QRSL1: variants seen among roughly 807,000 people sequenced by gnomAD.
QRSL1 encodes the protein glutaminyl-tRNA amidotransferase subunit QRSL1.
Under a neutral mutation model 61.6 loss-of-function variants are expected in QRSL1, and 54 were observed. That is an observed-to-expected ratio of 0.88 (90% CI 0.70 to 1.10). The LOEUF (loss-of-function observed/expected upper bound fraction) is 1.10. Among genes scored for constraint, QRSL1 ranks in the 50% least tolerant of loss-of-function variants. The pLI is 0.00. For synonymous variants in QRSL1, 228 were observed against 225.7 expected (o/e 1.01, Z -0.09); for missense variants, 505 against 622.6 (o/e 0.81, Z 2.01).
intron 9 of QRSL1, among the ~76,000 whole-genome samples, chr6:106,661,683 GTTCTTTTTTTTTTTTTTTTT>G (rs1777357899): frequency 1.2e-5 from 1 of 81,478 alleles, no homozygotes; most frequent in Non-Finnish European, 2.4e-5. Flanking sequence ...AGAATGGTTA[GTTCTTTTTTTTTTTTTTTTT>G]TTTTTTTTTT....
intron 9 of QRSL1, among the ~76,000 whole-genome samples, chr6:106,660,456 G>A (rs1195539724): frequency 6.6e-6 from 1 of 151,930 alleles, no homozygotes; most frequent in Non-Finnish European, 1.5e-5. Flanking sequence ...ACAGGCATGA[G>A]GGACCACACC....
At chr6:106,651,697 G>C (rs1318702575) in intron 5 of QRSL1, among the ~76,000 whole-genome samples, 1 of 152,114 alleles carries the variant, frequency 6.6e-6, no homozygotes, top group African/African-American at 2.4e-5. Flanking sequence ...GGCTGTATCT[G>C]AATTTCTAGG....
At position 106,667,206 on chromosome 6, in the gene QRSL1, T is replaced by A. The variant is rs922733192; in HGVS notation, c.*1204T>A. On this transcript the variant is annotated 3_prime_UTR_variant, in exon 11 of 11. Transcript: ENST00000369046. ...GAAAAACATGCAGATAATTTGCTGA[T>A]GAAGCAGAAGAGGGGATGCGCATGG... 3 of 152,248 alleles carry A rather than the reference T, an allele frequency of 2.0e-5. No individual in the cohort carries two copies. Among genetic ancestry groups the A allele is most frequent in the Non-Finnish European group, 4.4e-5 (3 of 68,042 alleles). 9.4% of individuals were successfully genotyped at this position (152,248 alleles called of 1,614,324 possible).
intron 7 of QRSL1, 119 bp from the exon 8 acceptor site, chr6:106,654,611 T>C (rs1211015854): frequency 1.6e-5 from 13 of 817,004 alleles, no homozygotes; most frequent in South Asian, 2.1e-5. Context: ...TATTTTCTAA[T>C]GTATTACCAA....
chr6:106,646,689 A>G (rs1777110218), intron 4 of QRSL1, among the ~76,000 whole-genome samples: 1 of 152,070 alleles, frequency 6.6e-6, no homozygotes, highest in Admixed American at 6.6e-5. Context: ...TGAATTAGTC[A>G]GAGTTCTTTT....
intron 1 of QRSL1, among the ~76,000 whole-genome samples, chr6:106,639,122 T>TTG (rs1562165056): frequency 1.0e-4 from 6 of 57,346 alleles, no homozygotes; most frequent in Non-Finnish European, 2.5e-4. Flanking sequence ...TTTTGTTGTT[T>TTG]TTTTTTTTTT....
At chr6:106,644,106 A>G (rs1485146888) in intron 4 of QRSL1, among the ~76,000 whole-genome samples, 2 of 152,188 alleles carry the variant, frequency 1.3e-5, no homozygotes, top group African/African-American at 4.8e-5. Flanking sequence ...TCCTGACCTC[A>G]GATGATCCAC....
intron 4 of QRSL1, 89 bp from the exon 5 acceptor site, chr6:106,648,936 G>A: frequency 1.5e-6 from 2 of 1,353,068 alleles, no homozygotes; most frequent in Non-Finnish European, 1.0e-6. Context: ...TGCTCAATGA[G>A]TGTCAGAAGC....
At chr6:106,629,847 C>A (rs1218700925) in intron 1 of QRSL1, 142 bp downstream of exon 1, 3 of 1,023,020 alleles carry the variant, frequency 2.9e-6, no homozygotes, top group South Asian at 1.5e-5. Flanking sequence ...AAGTACCTTT[C>A]GATTCTTCGG....
At chr6:106,631,578 C>T (rs1000690257) in intron 1 of QRSL1, among the ~76,000 whole-genome samples, 1 of 152,162 alleles carries the variant, frequency 6.6e-6, no homozygotes. Flanking sequence ...GCTGGACAGA[C>T]ATTCTTACAG....
At chr6:106,632,468 A>T (rs1164905492) in intron 1 of QRSL1, among the ~76,000 whole-genome samples, 1 of 151,934 alleles carries the variant, frequency 6.6e-6, no homozygotes, top group African/African-American at 2.4e-5. Flanking sequence ...CTCCTCCCTC[A>T]GCCTCCCAAA....
At chr6:106,636,318 C>CGTTTTTTT (rs1776919444) in intron 1 of QRSL1, among the ~76,000 whole-genome samples, 2 of 131,812 alleles carry the variant, frequency 1.5e-5, no homozygotes, top group Admixed American at 1.5e-4. Flanking sequence ...AGCTCTGCTA[C>CGTTTTTTT]TTTTTTTTTT....
intron 5 of QRSL1, among the ~76,000 whole-genome samples, chr6:106,650,419 T>C (rs1777174061): frequency 6.6e-6 from 1 of 152,226 alleles, no homozygotes; most frequent in Non-Finnish European, 1.5e-5. Context: ...AGGAGCATTG[T>C]TCAGTCCAAA....
chr6:106,658,556 TA>T (rs916964596), intron 9 of QRSL1, among the ~76,000 whole-genome samples: 30 of 146,798 alleles, frequency 2.0e-4, no homozygotes, highest in Non-Finnish European at 2.6e-4. Context: ...CCCATCTCTT[TA>T]AAAAAAAAAA....
chr6:106,648,850 C>T (rs764798683), intron 4 of QRSL1, among the ~76,000 whole-genome samples, 175 bp from the exon 5 acceptor site: 5 of 152,202 alleles, frequency 3.3e-5, no homozygotes, highest in Non-Finnish European at 7.3e-5. Flanking sequence ...CCATCCTCCG[C>T]AACTGTCAAT....
chr6:106,630,202 G>A (rs1353766901), intron 1 of QRSL1, among the ~76,000 whole-genome samples: 1 of 152,152 alleles, frequency 6.6e-6, no homozygotes, highest in Non-Finnish European at 1.5e-5. Context: ...TCCATGTCCT[G>A]GACGTCGTGT....
At chr6:106,640,264 A>C in intron 1 of QRSL1, 85 bp from the exon 2 acceptor site, 13 of 1,167,480 alleles carry the variant, frequency 1.1e-5, no homozygotes, top group Non-Finnish European at 1.3e-5. Flanking sequence ...ATACTTAGCC[A>C]CTCCATCTCC....
At chr6:106,637,298 G>A (rs1055621528) in intron 1 of QRSL1, among the ~76,000 whole-genome samples, 1 of 152,188 alleles carries the variant, frequency 6.6e-6, no homozygotes, top group Non-Finnish European at 1.5e-5. Context: ...CAGGAGAGTT[G>A]GCAACTGGGG....
At chr6:106,646,738 G>T (rs182684950) in intron 4 of QRSL1, among the ~76,000 whole-genome samples, 139 of 151,842 alleles carry the variant, frequency 9.2e-4, no homozygotes, top group African/African-American at 3.3e-3. Context: ...TTAAAAAATT[G>T]ATAGACTTGG....
Sources: allele counts gnomAD v4.1 joint callset (sites outside exome capture counted in the v4.1 genomes callset), GRCh38; gene constraint gnomAD v4.1.1; transcripts MANE v1.5; gene names NCBI Gene and HGNC (gene_info 2026-07-23, HGNC 2026-07-21).